HSP90AA1: variants seen among roughly 807,000 people sequenced by gnomAD.
HSP90AA1 encodes the protein heat shock protein HSP 90-alpha.
Under a neutral mutation model 73.3 loss-of-function variants are expected in HSP90AA1, and 18 were observed. The observed-to-expected ratio is 0.25, with a 90% CI of 0.17 to 0.36. The LOEUF is 0.36. HSP90AA1 is among the 10% of genes least tolerant of loss of function. HSP90AA1 has a pLI of 1.00. For missense variants in HSP90AA1, 704 were observed against 874.2 expected (o/e 0.81, Z 2.45); for synonymous variants, 477 against 296.9 (o/e 1.61, Z -6.24).
chr14:102,124,612 C>T (rs2049819231), intron 1 of HSP90AA1, among the ~76,000 whole-genome samples: 1 of 152,068 alleles, frequency 6.6e-6, no homozygotes, highest in Non-Finnish European at 1.5e-5. Flanking sequence ...TCATGATTCA[C>T]AATGTAAACT....
At chr14:102,091,436 A>G (rs530611893), upstream of HSP90AA1, among the ~76,000 whole-genome samples, 4 of 152,060 alleles carry the variant, frequency 2.6e-5, no homozygotes, top group Admixed American at 6.6e-5. Flanking sequence ...CAGCCTGGAC[A>G]ACATGGTGAA....
At chr14:102,101,210 A>G (rs142237288) in intron 2 of HSP90AA1, among the ~76,000 whole-genome samples, 1,759 of 152,246 alleles carry the variant, frequency 0.012, 35 homozygotes, top group African/African-American at 0.04. Context: ...TCACTGCCAT[A>G]TTAGCAGGGC....
chr14:102,082,765 C>T, intron 9 of HSP90AA1: 1 of 504,238 alleles, frequency 2.0e-6, no homozygotes. Flanking sequence ...GGATTACAGG[C>T]CGTGCCACCA....
At chr14:102,109,132 C>T (rs1349116126) in intron 1 of HSP90AA1, among the ~76,000 whole-genome samples, 2 of 152,156 alleles carry the variant, frequency 1.3e-5, no homozygotes, top group Non-Finnish European at 2.9e-5. Flanking sequence ...CTATCAATAT[C>T]TCCCTCAAAG....
At chr14:102,126,577 T>C (rs757053002) in intron 1 of HSP90AA1, among the ~76,000 whole-genome samples, 63 of 151,974 alleles carry the variant, frequency 4.1e-4, no homozygotes, top group Non-Finnish European at 5.4e-4. Flanking sequence ...CAGGCTGGAG[T>C]GCAGTGGCGC....
intron 2 of HSP90AA1, among the ~76,000 whole-genome samples, chr14:102,099,739 C>T (rs902014762): frequency 2.0e-5 from 3 of 152,170 alleles, no homozygotes; most frequent in African/African-American, 4.8e-5. Context: ...AGAAGGTGGA[C>T]GCTTCATGCT....
At chr14:102,085,046 A>T (rs780216227) in intron 4 of HSP90AA1, 48 bp from the exon 5 acceptor site, 29 of 1,613,638 alleles carry the variant, frequency 1.8e-5, no homozygotes, top group Non-Finnish European at 2.4e-5. Flanking sequence ...TCCAGAACTA[A>T]GCGACAGCGC....
At position 102,085,343 on chromosome 14, in the gene HSP90AA1, A is replaced by G. The variant is rs745681964; in HGVS notation, c.618T>C (p.Ile206=). The change falls in exon 4 of 11, where the codon ATT becomes ATC. Residue 206 remains isoleucine, a synonymous_variant. Transcript: ENST00000216281. The part of the protein sequence containing the change: ...EYLEERRIKE[I]VKKHSQFIGY... ...CAATAAACTGAGAATGTTTCTTCAC[A>G]ATCTCCTTTATTCTTCGTTCCTCCA... The G allele has an allele frequency of 5.0e-6, 8 of 1,612,526 alleles. No homozygotes were observed. Among genetic ancestry groups the G allele is most frequent in the South Asian group, 1.1e-5 (1 of 91,034 alleles).
chr14:102,087,087 C>T, upstream of HSP90AA1: 2 of 984,948 alleles, frequency 2.0e-6, no homozygotes, highest in Non-Finnish European at 2.4e-6. Flanking sequence ...GACGGGCCCG[C>T]CCAGCGCGCG....
intron 2 of HSP90AA1, among the ~76,000 whole-genome samples, chr14:102,096,819 G>A (rs145919232): frequency 6.6e-6 from 1 of 152,294 alleles, no homozygotes; most frequent in East Asian, 1.9e-4. Context: ...TGTCTTTGAA[G>A]TTTAGGAATT....
chr14:102,097,131 C>G (rs953702273), intron 2 of HSP90AA1, among the ~76,000 whole-genome samples: 2 of 151,906 alleles, frequency 1.3e-5, no homozygotes, highest in Non-Finnish European at 2.9e-5. Flanking sequence ...GGATTATAGG[C>G]GCCCACTACC....
chr14:102,137,000 G>T (rs2050008210), intron 1 of HSP90AA1, among the ~76,000 whole-genome samples: 1 of 152,088 alleles, frequency 6.6e-6, no homozygotes, highest in Non-Finnish European at 1.5e-5. Context: ...GATCACCTGA[G>T]GTCAGGAGTT....
chr14:102,083,753 AAAG>A (rs1392929372), intron 7 of HSP90AA1, 37 bp downstream of exon 7: 5 of 1,550,900 alleles, frequency 3.2e-6, no homozygotes, highest in Middle Eastern at 1.7e-4. Context: ...AAAAAAAACT[AAAG>A]AGGCCAATTG....
upstream of HSP90AA1, among the ~76,000 whole-genome samples, chr14:102,090,553 C>T (rs1197797149): frequency 6.6e-6 from 1 of 152,036 alleles, no homozygotes; most frequent in South Asian, 2.1e-4. Context: ...GGGTTCACGC[C>T]ATTCTCCTAC....
chr14:102,082,929 T>G, intron 9 of HSP90AA1, 105 bp downstream of exon 9: 4 of 1,229,708 alleles, frequency 3.3e-6, no homozygotes, highest in Non-Finnish European at 4.8e-6. Context: ...ACACACAACA[T>G]AGTTTTCTGT....
rs377089382 is a variant in HSP90AA1 at position 102,134,137 on chromosome 14, T to C, written c.155+5113A>G. Among the ~76,000 whole-genome samples the C allele has an allele frequency of 1.2e-3, 138 of 116,586 alleles. 1 individual carries two copies. The highest frequency in any genetic ancestry group is 4.2e-3 in the African/African-American group (129 of 30,534). 76.5% of individuals were successfully genotyped at this position (116,586 alleles called of 152,430 possible). A position where few individuals can be genotyped will look rare whatever the true frequency, so the allele number is the denominator to read the frequency against. The stretch of plus-strand genomic sequence containing the variant: ...CTGCACTCCAGCCTGGGCAACAGAG[T>C]GAGACCTGTCTCAAAAAAAAAAAAA... On this transcript the variant is annotated intron_variant, in intron 1 of 11. Coordinates refer to the HSP90AA1 transcript ENST00000334701.
In HSP90AA1 at chr14:102,086,942, C is replaced by T. The variant is rs12323755; in HGVS notation, c.-1+44G>A. On this transcript the variant is annotated intron_variant, in intron 1 of 10. Transcript: ENST00000216281. ...GCCCCGCGCCAGCCGCCCCCAGTCC[C>T]GGTCCCCAGTCCACCTCCACAGGCC... The T allele has an allele frequency of 2.7e-3, 2,610 of 966,138 alleles. 67 individuals are homozygous for T. In the African/African-American group the frequency reaches 0.043, roughly 16 times the overall value. The allele number at this position is 966,138 out of a possible 1,614,324, so 59.8% of individuals were successfully genotyped here.
intron 1 of HSP90AA1, among the ~76,000 whole-genome samples, chr14:102,136,968 C>T (rs1398460305): frequency 6.6e-6 from 1 of 151,690 alleles, no homozygotes; most frequent in Non-Finnish European, 1.5e-5. Flanking sequence ...AATCCTAGCA[C>T]TCTGGGAAGC....
At chr14:102,129,061 G>C (rs2049872747) in intron 1 of HSP90AA1, among the ~76,000 whole-genome samples, 1 of 151,560 alleles carries the variant, frequency 6.6e-6, no homozygotes, top group South Asian at 2.1e-4. Context: ...CTAATAAGTA[G>C]TTATGCCTGG....
Sources: gnomAD v4.1 joint callset for allele counts (sites outside exome capture counted in the v4.1 genomes callset) on GRCh38, gnomAD v4.1.1 for gene constraint, MANE v1.5 for transcripts, NCBI Gene and HGNC (gene_info 2026-07-23, HGNC 2026-07-21) for gene names.